Variants in SPRTN observed in about 807,000 individuals in gnomAD.
SPRTN encodes SprT-like N-terminal domain, also known as DNA-dependent metalloprotease SPRTN.
In SPRTN, 11 loss-of-function variants were observed where a neutral mutation model predicts 31.9. That is an observed-to-expected ratio of 0.34 (90% CI 0.22 to 0.57). The LOEUF is 0.57. Among genes scored for constraint, SPRTN ranks in the 20% least tolerant of loss-of-function variants. SPRTN has a pLI of 0.86. For synonymous variants in SPRTN, 185 were observed against 212.1 expected (o/e 0.87, Z 1.11); for missense variants, 482 against 590.1 (o/e 0.82, Z 1.90).
At chr1:231,349,905 G>C (rs1418176406) in intron 3 of SPRTN, among the ~76,000 whole-genome samples, 1 of 152,114 alleles carries the variant, frequency 6.6e-6, no homozygotes, top group Non-Finnish European at 1.5e-5. Flanking sequence ...GCGGCTACTC[G>C]AGAGGCAGAG....
At chr1:231,342,022 C>A (rs1054662322) in intron 2 of SPRTN, among the ~76,000 whole-genome samples, 2 of 152,160 alleles carry the variant, frequency 1.3e-5, no homozygotes, top group African/African-American at 4.8e-5. Flanking sequence ...AAGCAATCCT[C>A]CCGCCTCAGC....
intron 2 of SPRTN, among the ~76,000 whole-genome samples, chr1:231,340,837 A>G (rs1470539972): frequency 6.6e-6 from 1 of 152,146 alleles, no homozygotes; most frequent in African/African-American, 2.4e-5. Flanking sequence ...AAAAGAGCAC[A>G]GTGGTAGTTT....
intron 2 of SPRTN, among the ~76,000 whole-genome samples, chr1:231,346,103 C>T (rs1010231300): frequency 4.6e-5 from 7 of 152,022 alleles, no homozygotes; most frequent in African/African-American, 1.7e-4. Context: ...ACATGAGCCA[C>T]CACGCCTGAC....
At chr1:231,339,957 C>A in intron 2 of SPRTN, 89 bp downstream of exon 2, 1 of 1,280,560 alleles carries the variant, frequency 7.8e-7, no homozygotes, top group Non-Finnish European at 1.1e-6. Flanking sequence ...CTGTATGTAT[C>A]GTTAAAAAAA....
At position 231,353,636 on chromosome 1, in the gene SPRTN, T is replaced by C. The variant is rs1313387613; in HGVS notation, c.*275T>C. 11 of 1,075,404 alleles carry C rather than the reference T, an allele frequency of 1.0e-5. No individual in the cohort carries two copies. The highest frequency in any genetic ancestry group is 1.7e-5 in the African/African-American group (1 of 60,302). 66.6% of individuals were successfully genotyped at this position (1,075,404 alleles called of 1,614,324 possible). On this transcript the variant is annotated 3_prime_UTR_variant, in exon 5 of 5. Coordinates refer to ENST00000295050, the MANE Select transcript of SPRTN (RefSeq NM_032018.7). ...TAGATACTTTTGTTCTTTCTTGCTC[T>C]TAAGGATTTTAAAAACCTGTTAATC...
chr1:231,353,838 G>A lies in SPRTN; in HGVS notation c.*477G>A. ...AGACTACAAAGTATATTGTTTTAGA[G>A]TACTCAAATTGTATTATTTATTAAT... On this transcript the variant is annotated 3_prime_UTR_variant, in exon 5 of 5. Coordinates refer to ENST00000295050, the MANE Select transcript of SPRTN (RefSeq NM_032018.7). 2.1e-6 allele frequency: 2 copies of A among 957,710 alleles called. No homozygotes were observed. The highest frequency in any genetic ancestry group is 9.6e-5 in the South Asian group (2 of 20,782). 59.3% of individuals were successfully genotyped at this position (957,710 alleles called of 1,614,324 possible).
chr1:231,351,468 T>G lies in SPRTN; in HGVS notation c.615T>G (p.Cys205Trp). Residue 205 changes from cysteine to tryptophan, a missense_variant, in exon 4 of 5, where the codon TGT (cysteine) becomes TGG (tryptophan). Cys to Trp is a radical substitution (Grantham distance 215). Coordinates refer to ENST00000295050, the MANE Select transcript of SPRTN (RefSeq NM_032018.7). ...GGTGGGCTGAGCACCAGAAAACCTG[T>G]GGAGGCACTTACATAAAAATCAAGG... ...DYWWAEHQKT[C>W]GGTYIKIKEP... 1 of 1,614,062 alleles carries G rather than the reference T, an allele frequency of 6.2e-7. No individual in the cohort carries two copies. The highest frequency in any genetic ancestry group is 8.5e-7 in the Non-Finnish European group (1 of 1,180,018).
intron 2 of SPRTN, among the ~76,000 whole-genome samples, chr1:231,340,693 G>A (rs550219572): frequency 2.0e-5 from 3 of 152,166 alleles, no homozygotes; most frequent in African/African-American, 7.2e-5. Flanking sequence ...TGGAGCAGTG[G>A]GAGCTGAGGC....
intron 2 of SPRTN, among the ~76,000 whole-genome samples, chr1:231,346,723 G>T (rs1687074277): frequency 6.6e-6 from 1 of 152,080 alleles, no homozygotes; most frequent in Admixed American, 6.6e-5. Context: ...CGGGCAGATT[G>T]CTTGAGGTCA....
At chr1:231,343,823 T>C (rs1271017200) in intron 2 of SPRTN, among the ~76,000 whole-genome samples, 1 of 151,782 alleles carries the variant, frequency 6.6e-6, no homozygotes, top group East Asian at 1.9e-4. Context: ...AAAGGACGAA[T>C]TGTACTTTTG....
intron 3 of SPRTN, among the ~76,000 whole-genome samples, chr1:231,349,539 T>G (rs1458675525): frequency 6.6e-6 from 1 of 152,238 alleles, no homozygotes; most frequent in African/African-American, 2.4e-5. Flanking sequence ...TTATCTTAGA[T>G]ATCTGTGTGT....
chr1:231,338,531 G>T lies in SPRTN; in HGVS notation c.148G>T (p.Val50Phe). Residue 50 changes from valine (V) to phenylalanine (F), a missense_variant, in exon 1 of 5, where the codon GTT (valine) becomes TTT (phenylalanine). Physicochemically the swap from Val to Phe is conservative, Grantham distance 50. Transcript: ENST00000295050. ...DPTPDLQALFVQFNDQFFWGQ... is the reference protein window; with the variant it reads ...DPTPDLQALFFQFNDQFFWGQ... ...CACACCGGACTTGCAGGCACTGTTT[G>T]TTCAGTTTAACGACCAATTCTTCTG... 6.2e-7 allele frequency: 1 copy of T among 1,614,256 alleles called. No individual in the cohort carries two copies. Among genetic ancestry groups the T allele is most frequent in the Non-Finnish European group, 8.5e-7 (1 of 1,180,054 alleles).
chr1:231,346,671 A>G (rs1361860085), intron 2 of SPRTN, among the ~76,000 whole-genome samples: 1 of 152,144 alleles, frequency 6.6e-6, no homozygotes, highest in Non-Finnish European at 1.5e-5. Flanking sequence ...GTCTGGGTGC[A>G]GTGGCTGACG....
rs748910029 is a variant in SPRTN, at chr1:231,353,393, A to G, written c.*32A>G. On this transcript the variant is annotated 3_prime_UTR_variant, in exon 5 of 5. Transcript: ENST00000295050. The stretch of plus-strand genomic sequence containing the variant: ...TTTCAAAGTCTCAAGTACCACCTGT[A>G]TTATCTCACTAATGTGCTATGTCAG... 1 of 1,535,190 alleles carries G rather than the reference A, an allele frequency of 6.5e-7. No homozygotes were observed. The highest frequency in any genetic ancestry group is 2.1e-5 in the Admixed American group (1 of 46,776).
Position 231,353,825 on chromosome 1 carries a change from A to G in SPRTN, c.*464A>G. ...AAAACCACAATCTAGACTACAAAGT[A>G]TATTGTTTTAGAGTACTCAAATTGT... On this transcript the variant is annotated 3_prime_UTR_variant, in exon 5 of 5. Transcript: ENST00000295050. 1 of 969,694 alleles carries G rather than the reference A, an allele frequency of 1.0e-6. No homozygotes were observed. The highest frequency in any genetic ancestry group is 1.2e-6 in the Non-Finnish European group (1 of 815,520). 60.1% of individuals were successfully genotyped at this position (969,694 alleles called of 1,614,324 possible).
chr1:231,347,512 A>C (rs1463211356), intron 2 of SPRTN, among the ~76,000 whole-genome samples: 1 of 151,966 alleles, frequency 6.6e-6, no homozygotes, highest in Non-Finnish European at 1.5e-5. Flanking sequence ...ACAGGCATGC[A>C]CCACCACACC....
rs1272095878 is a variant in SPRTN at position 231,338,633 on chromosome 1, G to A, written c.221+29G>A. The A allele has an allele frequency of 2.5e-6, 4 of 1,611,426 alleles. No individual in the cohort carries two copies. In the Admixed American group the frequency reaches 6.7e-5, roughly 27 times the overall value. On this transcript the variant is annotated intron_variant, in intron 1 of 4. Coordinates refer to ENST00000295050, the MANE Select transcript of SPRTN (RefSeq NM_032018.7). ...AGTTCCGAGCCCCGCTGGGGAAAGAGGCGGGACTGGCAGCTTTCCTGCAGC... is the reference window on the plus strand; with the variant it reads ...AGTTCCGAGCCCCGCTGGGGAAAGAAGCGGGACTGGCAGCTTTCCTGCAGC...
At position 231,338,477 on chromosome 1, in the gene SPRTN, G is replaced by C; in HGVS notation, c.94G>C (p.Val32Leu). ...TCATGCCCAGGAGTCCCTGTCGCTA[G>C]TGGACGCGTCGTGGGAGTTGGTGGA... The part of the protein sequence containing the change: ...RDHAQESLSL[V>L]DASWELVDPT... The change falls in exon 1 of 5, where the codon GTG (valine) becomes CTG (leucine). Residue 32 changes from valine to leucine, a missense_variant. Coordinates refer to ENST00000295050, the MANE Select transcript of SPRTN (RefSeq NM_032018.7). The C allele has an allele frequency of 6.2e-7, 1 of 1,614,276 alleles. No homozygotes were observed. Among genetic ancestry groups the C allele is most frequent in the South Asian group, 1.1e-5 (1 of 91,088 alleles).
intron 2 of SPRTN, among the ~76,000 whole-genome samples, chr1:231,343,212 T>A (rs1218762456): frequency 6.6e-6 from 1 of 152,042 alleles, no homozygotes; most frequent in African/African-American, 2.4e-5. Context: ...AGCCTAGGTA[T>A]ATACACTCTA....
Sources: allele counts gnomAD v4.1 joint callset (sites outside exome capture counted in the v4.1 genomes callset), GRCh38; gene constraint gnomAD v4.1.1; transcripts MANE v1.5; gene names NCBI Gene and HGNC (gene_info 2026-07-23, HGNC 2026-07-21).